The following DAB1 variants were observed in gnomAD, a reference collection of about 807,000 sequenced individuals.
DAB1 encodes the protein disabled homolog 1.
In DAB1, 15 loss-of-function variants were observed where a neutral mutation model predicts 64.6. The observed-to-expected ratio is 0.23, with a 90% CI of 0.16 to 0.36. DAB1 has a LOEUF of 0.36. Among genes scored for constraint, DAB1 ranks in the 10% least tolerant of loss-of-function variants. The pLI is 1.00. For missense variants in DAB1, 596 were observed against 706.7 expected, an observed-to-expected ratio of 0.84 and a Z score of 1.78; for synonymous variants, 235 against 251.9, an observed-to-expected ratio of 0.93 and a Z score of 0.64.
intron 5 of DAB1, among the ~76,000 whole-genome samples, chr1:57,976,638 G>A (rs1408475569): frequency 1.1e-4 from 17 of 152,110 alleles, no homozygotes; most frequent in Non-Finnish European, 2.9e-5. Context: ...TTTATTAGTG[G>A]TGCATATCAC....
At chr1:58,360,228 G>A (rs1223704509) in intron 3 of DAB1, among the ~76,000 whole-genome samples, 7 of 152,122 alleles carry the variant, frequency 4.6e-5, no homozygotes, top group Admixed American at 4.6e-4. Flanking sequence ...TTCCACCTGG[G>A]CCAAGGGAAG....
intron 3 of DAB1, among the ~76,000 whole-genome samples, chr1:58,410,825 A>G (rs1644660470): frequency 6.6e-6 from 1 of 152,124 alleles, no homozygotes; most frequent in Non-Finnish European, 1.5e-5. Flanking sequence ...CTCCTTCCCA[A>G]TCCCATAACC....
In DAB1 at chr1:58,066,375, A is replaced by C. The variant is rs144647906; in HGVS notation, n.387+84136T>G. Among the ~76,000 whole-genome samples, 7 of 152,326 alleles carry C rather than the reference A, an allele frequency of 4.6e-5. No homozygotes were observed. The East Asian group carries it at 1.3e-3, about 29-fold the overall frequency. On this transcript the variant is annotated intron_variant and non_coding_transcript_variant, in intron 5 of 20. Transcript: ENST00000485760. ...AAGAGAGATTGATTTGTTAGGCTTA[A>C]AACTCTCATAAACTTTTTTATGTTA...
chr1:57,908,405 T>A lies in DAB1; in HGVS notation n.388-24243A>T, dbSNP rs747867683. On this transcript the variant is annotated intron_variant and non_coding_transcript_variant, in intron 5 of 20. Coordinates refer to the DAB1 transcript ENST00000485760. The stretch of plus-strand genomic sequence containing the variant: ...AGCCGATTTAACCAATATAGATTTA[T>A]TGCTTAACGCTAGAGAGAAGAGAGC... Among the ~76,000 whole-genome samples the A allele has an allele frequency of 3.3e-5, 5 of 152,222 alleles. No homozygotes were observed. In the East Asian group the frequency reaches 9.7e-4, roughly 30 times the overall value.
At position 57,496,981 on chromosome 1, in the gene DAB1, C is replaced by G. The variant is rs72913146; in HGVS notation, n.625+152611G>C. Among the ~76,000 whole-genome samples the G allele has an allele frequency of 3.2e-3, 495 of 152,334 alleles. 3 individuals carry two copies. Among genetic ancestry groups the G allele is most frequent in the African/African-American group, 0.011 (463 of 41,588 alleles). On this transcript the variant is annotated intron_variant and non_coding_transcript_variant, in intron 7 of 20. Transcript: ENST00000485760. Reference sequence around the variant, plus strand: ...CTGGCACGACTTTCCTGTCATTCCACACTGACCTTTCAGCTGCCCCTCAAA... The same window carrying G: ...CTGGCACGACTTTCCTGTCATTCCAGACTGACCTTTCAGCTGCCCCTCAAA...
chr1:57,010,905 C>T (rs370192343), intron 13 of DAB1, 115 bp from the exon 14 acceptor site: 10 of 908,226 alleles, frequency 1.1e-5, no homozygotes, highest in Middle Eastern at 6.4e-4. Context: ...GAGGGTGCAA[C>T]GGCATTTAGA....
chr1:57,063,230 A>C (rs1650577631), intron 8 of DAB1, among the ~76,000 whole-genome samples: 1 of 152,126 alleles, frequency 6.6e-6, no homozygotes, highest in African/African-American at 2.4e-5. Flanking sequence ...AGACTTCAGA[A>C]GTCATGCGGT....
chr1:57,777,511 G>T (rs1417319699), intron 6 of DAB1, among the ~76,000 whole-genome samples: 1 of 151,604 alleles, frequency 6.6e-6, no homozygotes, highest in Non-Finnish European at 1.5e-5. Context: ...AATTTTTATT[G>T]CAGTCTTCAA....
chr1:57,232,501 T>A (rs1434018481), intron 2 of DAB1, among the ~76,000 whole-genome samples: 1 of 152,128 alleles, frequency 6.6e-6, no homozygotes, highest in Non-Finnish European at 1.5e-5. Context: ...TGGTTCCTCC[T>A]GCCTCATGAA....
At chr1:57,403,230 C>T (rs2101036627) in intron 1 of DAB1, among the ~76,000 whole-genome samples, 1 of 152,250 alleles carries the variant, frequency 6.6e-6, no homozygotes, top group South Asian at 2.1e-4. Flanking sequence ...CAGCCTTAGG[C>T]CATTCTGTGG....
chr1:57,600,177 A>T (rs1210846727), intron 7 of DAB1, among the ~76,000 whole-genome samples: 2 of 152,166 alleles, frequency 1.3e-5, no homozygotes, highest in Non-Finnish European at 2.9e-5. Flanking sequence ...CCATGTCTGC[A>T]TCCCCCAACA....
intron 11 of DAB1, among the ~76,000 whole-genome samples, chr1:57,021,142 T>C (rs749673275): frequency 6.6e-6 from 1 of 152,228 alleles, no homozygotes; most frequent in African/African-American, 2.4e-5. Flanking sequence ...AACATGCTAA[T>C]TGAAATTAAT....
At chr1:58,246,862 A>G (rs1660559967) in intron 4 of DAB1, among the ~76,000 whole-genome samples, 1 of 151,840 alleles carries the variant, frequency 6.6e-6, no homozygotes, top group Non-Finnish European at 1.5e-5. Context: ...GTGTATGTGC[A>G]TAAGTGTGTA....
chr1:58,489,670 A>T (rs1362593370), intron 3 of DAB1, among the ~76,000 whole-genome samples: 2 of 152,204 alleles, frequency 1.3e-5, no homozygotes, highest in African/African-American at 4.8e-5. Context: ...ACCCCTGAGT[A>T]GCCTAACTGG....
chr1:58,322,888 T>C (rs957029948), intron 4 of DAB1, among the ~76,000 whole-genome samples: 1 of 152,116 alleles, frequency 6.6e-6, no homozygotes, highest in Non-Finnish European at 1.5e-5. Flanking sequence ...GGCACATATG[T>C]ACCACGGAAT....
chr1:58,226,776 G>A (rs1316422371), intron 4 of DAB1, among the ~76,000 whole-genome samples: 3 of 152,146 alleles, frequency 2.0e-5, no homozygotes, highest in Non-Finnish European at 4.4e-5. Context: ...TGTTCAGGGA[G>A]GTGAAATAGC....
At chr1:57,709,815 T>C (rs906136917) in intron 6 of DAB1, among the ~76,000 whole-genome samples, 2 of 152,138 alleles carry the variant, frequency 1.3e-5, no homozygotes, top group African/African-American at 4.8e-5. Flanking sequence ...GATGGAGCTA[T>C]GTTGCTTGTT....
chr1:57,373,962 G>C lies in DAB1; in HGVS notation c.-137+49968C>G, dbSNP rs114841670. ...CTCCTCCAGGAAGCATATCCCAAAGGGGATAAAGAAGTATGCACATTTTTT... is the reference window on the plus strand; with the variant it reads ...CTCCTCCAGGAAGCATATCCCAAAGCGGATAAAGAAGTATGCACATTTTTT... On this transcript the variant is annotated intron_variant, in intron 1 of 14. Coordinates refer to ENST00000371236, the MANE Select transcript of DAB1 (RefSeq NM_001365792.1). Among the ~76,000 whole-genome samples, 356 of 152,216 alleles carry C rather than the reference G, an allele frequency of 2.3e-3. 1 individual carries two copies. Among genetic ancestry groups the C allele is most frequent in the Non-Finnish European group, 3.4e-3 (228 of 68,012 alleles).
intron 5 of DAB1, among the ~76,000 whole-genome samples, chr1:58,055,373 C>T (rs1196696670): frequency 6.6e-6 from 1 of 152,154 alleles, no homozygotes; most frequent in East Asian, 1.9e-4. Flanking sequence ...GGTGTCTTCC[C>T]TCATCTCCAT....
Sources: allele counts gnomAD v4.1 joint callset (sites outside exome capture counted in the v4.1 genomes callset), GRCh38; gene constraint gnomAD v4.1.1; transcripts MANE v1.5; gene names NCBI Gene and HGNC (gene_info 2026-07-23, HGNC 2026-07-21).